The following ASRGL1 variants were observed in gnomAD, a reference collection of about 807,000 sequenced individuals.
ASRGL1 encodes asparaginase and isoaspartyl peptidase 1, also known as isoaspartyl peptidase/L-asparaginase.
Under a neutral mutation model 22.4 loss-of-function variants are expected in ASRGL1, and 16 were observed. The observed-to-expected ratio is 0.71, with a 90% CI of 0.48 to 1.08. The LOEUF (loss-of-function observed/expected upper bound fraction) is 1.08. Ranked by LOEUF, ASRGL1 falls within the 50% of genes least tolerant of loss-of-function variation. ASRGL1 has a pLI of 0.00. For synonymous variants in ASRGL1, 165 were observed against 159.3 expected, an observed-to-expected ratio of 1.04 and a Z score of -0.27; for missense variants, 412 against 410.1, an observed-to-expected ratio of 1.00 and a Z score of -0.04.
At chr11:62,373,594 C>T (rs1429611153) in intron 4 of ASRGL1, among the ~76,000 whole-genome samples, 2 of 152,226 alleles carry the variant, frequency 1.3e-5, no homozygotes, top group African/African-American at 4.8e-5. Context: ...ATGTCCCTTA[C>T]AGGAACCGGC....
At chr11:62,348,131 G>A (rs980654929) in intron 2 of ASRGL1, among the ~76,000 whole-genome samples, 1 of 152,112 alleles carries the variant, frequency 6.6e-6, no homozygotes, top group African/African-American at 2.4e-5. Flanking sequence ...TCGATTATAT[G>A]CAAATACTAT....
the ASRGL1 span, among the ~76,000 whole-genome samples, chr11:62,399,516 TGA>T: frequency 1.3e-5 from 2 of 152,188 alleles, no homozygotes; most frequent in South Asian, 4.1e-4. Flanking sequence ...TCATTTTATT[TGA>T]GAGAAAGGGT....
At chr11:62,382,149 C>T (rs1028368988) in intron 4 of ASRGL1, 6 of 152,020 alleles carry the variant, frequency 3.9e-5, no homozygotes, top group African/African-American at 1.5e-4. Context: ...TTAGCCGGGC[C>T]CAGTGGCGGG....
chr11:62,395,759 C>CTTTTTTTTTTTTTTTTT (rs564952668), downstream of ASRGL1, among the ~76,000 whole-genome samples: 2 of 71,914 alleles, frequency 2.8e-5, 1 homozygote, highest in African/African-American at 1.0e-4. Context: ...GTAGCTGTTT[C>CTTTTTTTTTTTTTTTTT]TTTTTTTTTT....
intron 4 of ASRGL1, among the ~76,000 whole-genome samples, chr11:62,373,435 G>A (rs907839990): frequency 2.0e-5 from 3 of 151,922 alleles, no homozygotes; most frequent in Admixed American, 1.3e-4. Flanking sequence ...TTCCTACAAA[G>A]AGGCAGAAAC....
chr11:62,359,591 C>T (rs576972753), intron 4 of ASRGL1, among the ~76,000 whole-genome samples: 3 of 152,196 alleles, frequency 2.0e-5, no homozygotes, highest in African/African-American at 7.2e-5. Context: ...TTTACACTTA[C>T]AGTACATCTC....
chr11:62,362,815 C>CACACACACAG (rs1946509964), intron 4 of ASRGL1, among the ~76,000 whole-genome samples: 1 of 72,026 alleles, frequency 1.4e-5, no homozygotes, highest in African/African-American at 6.7e-5. Context: ...ATCTGACATA[C>CACACACACAG]ACACACACAC....
intron 4 of ASRGL1, among the ~76,000 whole-genome samples, chr11:62,386,315 C>G (rs932064576): frequency 6.6e-6 from 1 of 152,146 alleles, no homozygotes; most frequent in African/African-American, 2.4e-5. Context: ...TACCCACACT[C>G]AACTGCGGTC....
At chr11:62,355,875 C>T (rs937607640) in intron 2 of ASRGL1, among the ~76,000 whole-genome samples, 13 of 152,072 alleles carry the variant, frequency 8.5e-5, no homozygotes, top group African/African-American at 2.9e-4. Flanking sequence ...CATCTTGCAC[C>T]GCCCTTAATC....
intron 4 of ASRGL1, among the ~76,000 whole-genome samples, chr11:62,370,764 A>G (rs1345180334): frequency 6.6e-6 from 1 of 152,152 alleles, no homozygotes. Context: ...TATTGGCCAC[A>G]CATTCTTCCC....
chr11:62,354,024 CTGGCA>C (rs1393361136), intron 2 of ASRGL1, among the ~76,000 whole-genome samples: 2 of 152,182 alleles, frequency 1.3e-5, no homozygotes, highest in African/African-American at 2.4e-5. Flanking sequence ...ACCTGTTAAA[CTGGCA>C]TGTAATCAGG....
intron 4 of ASRGL1, among the ~76,000 whole-genome samples, chr11:62,362,024 A>T (rs1411458325): frequency 2.0e-5 from 3 of 152,206 alleles, no homozygotes; most frequent in Admixed American, 6.5e-5. Flanking sequence ...ATAATGGAGC[A>T]AATGTGGTTG....
chr11:62,400,162 A>C, the ASRGL1 span, among the ~76,000 whole-genome samples: 1 of 152,058 alleles, frequency 6.6e-6, no homozygotes, highest in Non-Finnish European at 1.5e-5. Context: ...CGGGTCCCCC[A>C]CTGCCCCCCA....
intron 4 of ASRGL1, among the ~76,000 whole-genome samples, chr11:62,379,656 G>A (rs1947015718): frequency 6.6e-6 from 1 of 152,106 alleles, no homozygotes; most frequent in Non-Finnish European, 1.5e-5. Flanking sequence ...TTTTTTGTGG[G>A]GGCTCCCCTG....
At chr11:62,363,019 C>CGCCATTCTCCTGCAT (rs1185064071) in intron 4 of ASRGL1, among the ~76,000 whole-genome samples, 33 of 136,822 alleles carry the variant, frequency 2.4e-4, no homozygotes, top group Admixed American at 1.3e-3. Flanking sequence ...CCAGGGTTCA[C>CGCCATTCTCCTGCAT]GCCATTCTCC....
chr11:62,384,027 CGTGTGTGCGTGT>C (rs1412054591), intron 4 of ASRGL1, among the ~76,000 whole-genome samples: 1 of 135,934 alleles, frequency 7.4e-6, no homozygotes, highest in East Asian at 2.2e-4. Context: ...TGTGTGTGCA[CGTGTGTGCGTGT>C]GTGTGTGTGT....
intron 4 of ASRGL1, among the ~76,000 whole-genome samples, chr11:62,379,663 C>T (rs747972798): frequency 3.3e-4 from 51 of 152,294 alleles, no homozygotes; most frequent in Non-Finnish European, 4.6e-4. Flanking sequence ...TGGGGGCTCC[C>T]CTGAAAGCAG....
At chr11:62,384,935 A>G (rs977743903) in intron 4 of ASRGL1, among the ~76,000 whole-genome samples, 13 of 146,014 alleles carry the variant, frequency 8.9e-5, no homozygotes, top group African/African-American at 3.3e-4. Context: ...AAAAAAGTTC[A>G]CCTTATATAC....
In ASRGL1 at chr11:62,372,998, C is replaced by G. The variant is rs530919258; in HGVS notation, c.491+15854C>G. On this transcript the variant is annotated intron_variant, in intron 4 of 6. Transcript: ENST00000415229. ...CACCGACCTTTGGGGAACTGGGCTA[C>G]AGGGATCACAAGCCCAAGTCTTCCA... The G allele has an allele frequency of 1.2e-4, 173 of 1,391,210 alleles. No homozygotes were observed. In the Middle Eastern group the frequency reaches 1.5e-3, roughly 12 times the overall value. 86.2% of individuals were successfully genotyped at this position (1,391,210 alleles called of 1,614,324 possible). A position where few individuals can be genotyped will look rare whatever the true frequency, so the allele number is the denominator to read the frequency against.
Sources: gnomAD v4.1 joint callset for allele counts (sites outside exome capture counted in the v4.1 genomes callset) on GRCh38, gnomAD v4.1.1 for gene constraint, MANE v1.5 for transcripts, NCBI Gene and HGNC (gene_info 2026-07-23, HGNC 2026-07-21) for gene names.